APTX: variants seen among roughly 807,000 people sequenced by gnomAD.
The protein encoded by APTX is aprataxin.
In APTX, 33 loss-of-function variants were observed where a neutral mutation model predicts 42.3. That is an observed-to-expected ratio of 0.78 (90% confidence interval 0.59 to 1.04). APTX has a LOEUF of 1.04. Ranked by LOEUF, APTX falls within the 50% of genes least tolerant of loss-of-function variation. The pLI is 0.00. For missense variants in APTX, 421 were observed against 415.1 expected (o/e 1.01, Z -0.12); for synonymous variants, 130 against 146.7 (o/e 0.89, Z 0.82).
chr9:32,975,179 G>A (rs1399635325), intron 6 of APTX, among the ~76,000 whole-genome samples: 2 of 152,164 alleles, frequency 1.3e-5, no homozygotes, highest in African/African-American at 2.4e-5. Flanking sequence ...AATTGTTGGA[G>A]CCAAGCAGCA....
At chr9:32,994,400 C>T (rs1834352397) in intron 1 of APTX, among the ~76,000 whole-genome samples, 1 of 152,188 alleles carries the variant, frequency 6.6e-6, no homozygotes, top group South Asian at 2.1e-4. Flanking sequence ...TGTAACTCCA[C>T]AGTGCTTATG....
chr9:32,979,069 C>G (rs923971766), intron 6 of APTX, among the ~76,000 whole-genome samples: 1 of 151,932 alleles, frequency 6.6e-6, no homozygotes, highest in African/African-American at 2.4e-5. Context: ...TTCAGGGATC[C>G]ATGTGCAGGT....
At chr9:33,010,867 C>G (rs1837492639) in intron 1 of APTX, among the ~76,000 whole-genome samples, 1 of 151,668 alleles carries the variant, frequency 6.6e-6, no homozygotes, top group South Asian at 2.1e-4. Flanking sequence ...GATGGCCGGG[C>G]GTGGTGACTA....
chr9:33,001,150 G>A (rs1039497692), intron 1 of APTX, among the ~76,000 whole-genome samples: 2 of 151,384 alleles, frequency 1.3e-5, no homozygotes, highest in African/African-American at 2.4e-5. Context: ...CCCGGCCAAG[G>A]ACTGCTTCTT....
chr9:32,975,085 C>A (rs1829056301), intron 6 of APTX, among the ~76,000 whole-genome samples: 1 of 151,876 alleles, frequency 6.6e-6, no homozygotes, highest in Admixed American at 6.6e-5. Context: ...GTGAGGAGGC[C>A]AAGAGCAGGG....
chr9:32,981,363 A>C (rs1357988070), intron 6 of APTX, among the ~76,000 whole-genome samples: 7 of 152,204 alleles, frequency 4.6e-5, no homozygotes, highest in Admixed American at 1.3e-4. Context: ...TATCAGTATG[A>C]ACTCATGGTT....
At position 32,973,205 on chromosome 9, in the gene APTX, G is replaced by C. The variant is rs532688347; in HGVS notation, c.*293C>G. 810 of 531,222 alleles carry C rather than the reference G, an allele frequency of 1.5e-3. 5 individuals are homozygous for C. Among genetic ancestry groups the C allele is most frequent in the South Asian group, 5.3e-3 (348 of 65,160 alleles). The allele number at this position is 531,222 out of a possible 1,614,324, so 32.9% of individuals were successfully genotyped here. A position where few individuals can be genotyped will look rare whatever the true frequency, so the allele number is the denominator to read the frequency against. On this transcript the variant is annotated 3_prime_UTR_variant, in exon 8 of 8. Transcript: ENST00000379817. ...TCCATACTCTGCATTAGGTCAGTGT[G>C]AACATGGCTTTGCTCCCAATGGTCA...
intron 6 of APTX, among the ~76,000 whole-genome samples, chr9:32,976,968 T>C (rs1422396208): frequency 6.6e-6 from 1 of 152,228 alleles, no homozygotes; most frequent in Non-Finnish European, 1.5e-5. Flanking sequence ...TATTTGAATA[T>C]ACACCATATT....
chr9:32,980,926 C>T (rs1329778371), intron 6 of APTX, among the ~76,000 whole-genome samples: 10 of 152,134 alleles, frequency 6.6e-5, no homozygotes, highest in African/African-American at 1.4e-4. Flanking sequence ...TAATATTTCA[C>T]GTTCTCCCAA....
chr9:33,023,827 A>G (rs1838609407), intron 1 of APTX, among the ~76,000 whole-genome samples: 1 of 152,256 alleles, frequency 6.6e-6, no homozygotes, highest in African/African-American at 2.4e-5. Flanking sequence ...TTCTTAGCGT[A>G]GCATATATAC....
At chr9:32,976,823 A>T (rs1245462110) in intron 6 of APTX, among the ~76,000 whole-genome samples, 2 of 152,230 alleles carry the variant, frequency 1.3e-5, no homozygotes, top group Non-Finnish European at 2.9e-5. Flanking sequence ...CCTGCACAAG[A>T]AATTACAAGA....
At chr9:32,977,678 A>G (rs1411824417) in intron 6 of APTX, among the ~76,000 whole-genome samples, 1 of 151,822 alleles carries the variant, frequency 6.6e-6, no homozygotes, top group Admixed American at 6.6e-5. Flanking sequence ...TAAAAATACA[A>G]AAATTAGCTG....
At chr9:33,019,177 G>A (rs1838157917) in intron 1 of APTX, among the ~76,000 whole-genome samples, 1 of 152,096 alleles carries the variant, frequency 6.6e-6, no homozygotes, top group Admixed American at 6.5e-5. Context: ...CTACTATCCT[G>A]ACAACTTTTC....
In APTX at chr9:32,998,714, G is replaced by A. The variant is rs10971282; in HGVS notation, c.-5+2853C>T. On this transcript the variant is annotated intron_variant, in intron 1 of 7. Coordinates refer to ENST00000379817, the MANE Select transcript of APTX (RefSeq NM_001195248.2). ...GGAGGGGAACATCACACACTGGGGC[G>A]TGTCAGGGGGTGAGGGGCTAGGGGA... Among the ~76,000 whole-genome samples the A allele has an allele frequency of 1.6e-4, 25 of 151,650 alleles. No individual in the cohort carries two copies. The East Asian group carries it at 3.9e-3, about 24-fold the overall frequency.
intron 1 of APTX, among the ~76,000 whole-genome samples, chr9:33,021,878 G>C (rs1318132512): frequency 6.7e-6 from 1 of 150,318 alleles, no homozygotes; most frequent in African/African-American, 2.5e-5. Flanking sequence ...GTAGTCCCAA[G>C]TACTGAAGAG....
chr9:33,006,771 C>G (rs2119198774), intron 1 of APTX, among the ~76,000 whole-genome samples: 2 of 151,988 alleles, frequency 1.3e-5, no homozygotes, highest in African/African-American at 4.8e-5. Context: ...GAGGCCGAGG[C>G]AGGCGAATCA....
At chr9:32,986,216 A>G in intron 4 of APTX, 186 bp from the exon 5 acceptor site, 1 of 737,738 alleles carries the variant, frequency 1.4e-6, no homozygotes, top group African/African-American at 1.7e-5. Context: ...GCCTTCCTAT[A>G]TTCTCTTTTT....
At chr9:33,017,480 C>A (rs1055113474) in intron 1 of APTX, among the ~76,000 whole-genome samples, 6 of 136,112 alleles carry the variant, frequency 4.4e-5, no homozygotes, top group African/African-American at 1.5e-4. Context: ...TCCTGGGTTT[C>A]TTTTGTAAGG....
intron 1 of APTX, chr9:33,020,154 T>C (rs1556250): frequency 0.081 from 27,690 of 339,814 alleles, 1,446 homozygotes; most frequent in Non-Finnish European, 0.11. Flanking sequence ...CTCCGACTCC[T>C]TTTCTTTGTA....
Sources: gnomAD v4.1 joint callset for allele counts (sites outside exome capture counted in the v4.1 genomes callset) on GRCh38, gnomAD v4.1.1 for gene constraint, MANE v1.5 for transcripts, NCBI Gene and HGNC (gene_info 2026-07-23, HGNC 2026-07-21) for gene names.